CSMD3: variants seen among roughly 807,000 people sequenced by gnomAD.
The protein encoded by CSMD3 is CUB and Sushi multiple domains 3.
A neutral mutation model predicts 435.2 loss-of-function variants in CSMD3; 177 were observed. The observed-to-expected ratio is 0.41, with a 90% CI of 0.36 to 0.46. CSMD3 has a LOEUF of 0.46. Ranked by LOEUF, CSMD3 falls within the 20% of genes least tolerant of loss-of-function variation. CSMD3 has a pLI of 0.34. For missense variants in CSMD3, 4,265 were observed against 4,504.6 expected, an observed-to-expected ratio of 0.95 and a Z score of 1.52; for synonymous variants, 1,656 against 1,520.5, an observed-to-expected ratio of 1.09 and a Z score of -2.07.
intron 4 of CSMD3, among the ~76,000 whole-genome samples, chr8:113,112,443 A>G (rs963825955): frequency 2.1e-4 from 7 of 33,920 alleles, no homozygotes; most frequent in Non-Finnish European, 3.4e-4. Context: ...ATATATATAT[A>G]TATATGTATA....
intron 22 of CSMD3, among the ~76,000 whole-genome samples, chr8:112,600,423 C>T (rs1832230711): frequency 6.6e-6 from 1 of 152,176 alleles, no homozygotes; most frequent in South Asian, 2.1e-4. Context: ...GAGAGTAGAC[C>T]TTTGACTACC....
intron 5 of CSMD3, among the ~76,000 whole-genome samples, chr8:113,039,203 T>C (rs2087491723): frequency 2.0e-5 from 3 of 152,134 alleles, no homozygotes; most frequent in Non-Finnish European, 4.4e-5. Context: ...ATTAACCATG[T>C]TGTATTTGCA....
chr8:113,148,401 C>A lies in CSMD3; in HGVS notation c.709+25321G>T, dbSNP rs11987520. Among the ~76,000 whole-genome samples the A allele has an allele frequency of 2.8e-3, 428 of 151,750 alleles. 2 individuals are homozygous for A. Among genetic ancestry groups the A allele is most frequent in the African/African-American group, 9.6e-3 (398 of 41,484 alleles). The stretch of plus-strand genomic sequence containing the variant: ...ACCCTGCGGATCAGTTATATGCTCT[C>A]GTAGAATACTGTATCACTTCCTCAT... On this transcript the variant is annotated intron_variant, in intron 4 of 70. Transcript: ENST00000297405.
At chr8:112,877,296 AC>A (rs2081312053) in intron 10 of CSMD3, among the ~76,000 whole-genome samples, 1 of 151,362 alleles carries the variant, frequency 6.6e-6, no homozygotes, top group Admixed American at 6.6e-5. Flanking sequence ...AGAAAGTTTC[AC>A]TCTTGTTGCC....
intron 64 of CSMD3, among the ~76,000 whole-genome samples, chr8:112,245,134 A>G (rs1814599870): frequency 6.6e-6 from 1 of 152,086 alleles, no homozygotes; most frequent in African/African-American, 2.4e-5. Context: ...TTTTTTACAT[A>G]TGGAATTTTC....
At chr8:113,414,491 GTATT>G (rs1333272889) in intron 1 of CSMD3, among the ~76,000 whole-genome samples, 1 of 151,932 alleles carries the variant, frequency 6.6e-6, no homozygotes, top group African/African-American at 2.4e-5. Context: ...ACATTTTAAT[GTATT>G]TATTTGAACA....
intron 45 of CSMD3, among the ~76,000 whole-genome samples, chr8:112,322,269 AC>A (rs1823069455): frequency 6.6e-6 from 1 of 152,098 alleles, no homozygotes; most frequent in Non-Finnish European, 1.5e-5. Flanking sequence ...TCTGAGAATG[AC>A]CTAGATAACT....
chr8:112,616,590 C>G (rs1254136385), intron 22 of CSMD3, among the ~76,000 whole-genome samples: 1 of 152,070 alleles, frequency 6.6e-6, no homozygotes, highest in African/African-American at 2.4e-5. Flanking sequence ...GAATGACTCA[C>G]CACTCTTTCA....
intron 2 of CSMD3, among the ~76,000 whole-genome samples, chr8:113,300,162 C>CAAAAAAAAAAAAAAA (rs34291122): frequency 8.6e-6 from 1 of 116,580 alleles, no homozygotes; most frequent in Admixed American, 9.3e-5. Flanking sequence ...TCAAAAAAGT[C>CAAAAAAAAAAAAAAA]AAAAAAAAAA....
At chr8:112,594,260 C>T (rs893092754) in intron 22 of CSMD3, among the ~76,000 whole-genome samples, 35 of 152,266 alleles carry the variant, frequency 2.3e-4, no homozygotes, top group Admixed American at 2.6e-4. Context: ...GGGCGATGGA[C>T]GCACCTGGAA....
chr8:112,368,327 G>A (rs1352319081), intron 38 of CSMD3, among the ~76,000 whole-genome samples: 1 of 152,058 alleles, frequency 6.6e-6, no homozygotes, highest in African/African-American at 2.4e-5. Flanking sequence ...GTCACTTTGG[G>A]ACCTTGGTAA....
chr8:112,301,229 C>T (rs543990232), intron 53 of CSMD3, among the ~76,000 whole-genome samples: 6 of 151,756 alleles, frequency 4.0e-5, no homozygotes, highest in East Asian at 1.9e-4. Flanking sequence ...GTAAGAAGAA[C>T]GAACTAGTTC....
At chr8:112,914,344 T>C (rs1413001536) in intron 10 of CSMD3, among the ~76,000 whole-genome samples, 1 of 151,784 alleles carries the variant, frequency 6.6e-6, no homozygotes, top group Non-Finnish European at 1.5e-5. Flanking sequence ...CATAATTTGT[T>C]CAGTTCTGCT....
intron 36 of CSMD3, among the ~76,000 whole-genome samples, chr8:112,385,250 T>C (rs553279213): frequency 6.6e-6 from 1 of 152,366 alleles, no homozygotes; most frequent in African/African-American, 2.4e-5. Context: ...TTCATCTTTC[T>C]GTACCTCAGA....
At chr8:112,554,523 A>G (rs1194159573) in intron 25 of CSMD3, among the ~76,000 whole-genome samples, 3 of 151,876 alleles carry the variant, frequency 2.0e-5, no homozygotes, top group Non-Finnish European at 2.9e-5. Context: ...TTAATTTGAG[A>G]ACAGAGTTGA....
chr8:113,003,528 G>A (rs934980396), intron 6 of CSMD3, among the ~76,000 whole-genome samples: 2 of 152,050 alleles, frequency 1.3e-5, no homozygotes, highest in African/African-American at 4.8e-5. Flanking sequence ...TAAGCTATTA[G>A]AATAATAGTA....
chr8:113,100,308 A>G (rs1431566840), intron 4 of CSMD3, among the ~76,000 whole-genome samples: 1 of 152,106 alleles, frequency 6.6e-6, no homozygotes, highest in African/African-American at 2.4e-5. Flanking sequence ...TGTCTTGTCT[A>G]GACCATGTGG....
intron 10 of CSMD3, among the ~76,000 whole-genome samples, chr8:112,884,819 C>A (rs1002460296): frequency 6.6e-6 from 1 of 151,730 alleles, no homozygotes; most frequent in Non-Finnish European, 1.5e-5. Context: ...GGGAACTGAT[C>A]ATATTAAAGC....
chr8:112,352,428 T>C lies in CSMD3; in HGVS notation c.6243A>G (p.Gly2081=), dbSNP rs2031442223. 6.2e-7 allele frequency: 1 copy of C among 1,613,338 alleles called. No individual in the cohort carries two copies. Among genetic ancestry groups the C allele is most frequent in the Non-Finnish European group, 8.5e-7 (1 of 1,179,692 alleles). ...AAAATAGACTTACCTGAAGAGAATA[T>C]CCTTGATCACACTGAAAGGATACTA... is the stretch of plus-strand genomic sequence containing the variant. The part of the protein sequence containing the change: ...GDVVSFQCDQ[G]YSLQGHSHIT... Residue 2081 remains glycine (G), a synonymous_variant, in exon 39 of 71, where the codon GGA becomes GGG. Transcript: ENST00000297405.
Sources: allele counts gnomAD v4.1 joint callset (sites outside exome capture counted in the v4.1 genomes callset), GRCh38; gene constraint gnomAD v4.1.1; transcripts MANE v1.5; gene names NCBI Gene and HGNC (gene_info 2026-07-23, HGNC 2026-07-21).